Variants in MLIP observed in about 807,000 individuals in gnomAD.
The protein encoded by MLIP is muscular LMNA-interacting protein.
A neutral mutation model predicts 84.8 loss-of-function variants in MLIP; 79 were observed. The ratio of observed to expected loss-of-function variants is 0.93; its 90% CI spans 0.78 to 1.12. The LOEUF is 1.12. Among genes scored for constraint, MLIP ranks in the 50% most tolerant of loss-of-function variants. MLIP has a pLI of 0.00. For missense variants in MLIP, 1,257 were observed against 1,160.6 expected, an observed-to-expected ratio of 1.08 and a Z score of -1.21; for synonymous variants, 504 against 463.0, an observed-to-expected ratio of 1.09 and a Z score of -1.14.
At chr6:54,082,240 T>C (rs9474729) in intron 1 of MLIP, among the ~76,000 whole-genome samples, 12,431 of 152,268 alleles carry the variant, frequency 0.082, 762 homozygotes, top group East Asian at 0.33. Context: ...TCTATTCCTC[T>C]GTTGATGGGC....
At chr6:54,256,823 T>A (rs1783036877) in intron 12 of MLIP, among the ~76,000 whole-genome samples, 1 of 152,180 alleles carries the variant, frequency 6.6e-6, no homozygotes, top group Admixed American at 6.6e-5. Flanking sequence ...ATAGTCACAA[T>A]AAAGCACAAT....
intron 8 of MLIP, among the ~76,000 whole-genome samples, chr6:54,161,171 A>G (rs1047172654): frequency 1.3e-5 from 2 of 151,934 alleles, no homozygotes; most frequent in African/African-American, 4.8e-5. Flanking sequence ...TAGATTCAAT[A>G]TTATTTATGG....
At chr6:54,094,448 C>A (rs1001527152) in intron 1 of MLIP, among the ~76,000 whole-genome samples, 3 of 152,118 alleles carry the variant, frequency 2.0e-5, no homozygotes, top group African/African-American at 7.2e-5. Flanking sequence ...GCAGAGTATT[C>A]ACAAGGGATT....
intron 13 of MLIP, among the ~76,000 whole-genome samples, chr6:54,262,215 A>G (rs1783432632): frequency 6.6e-6 from 1 of 152,040 alleles, no homozygotes; most frequent in African/African-American, 2.4e-5. Flanking sequence ...CTTTCTGCTA[A>G]CCCAGAAGTT....
upstream of MLIP, among the ~76,000 whole-genome samples, chr6:54,107,447 A>G (rs922771289): frequency 2.0e-5 from 3 of 152,216 alleles, no homozygotes; most frequent in African/African-American, 7.2e-5. Context: ...TGAGCCTGTG[A>G]ATCGGGTTAG....
intron 1 of MLIP, among the ~76,000 whole-genome samples, chr6:54,059,371 C>G (rs1459967679): frequency 6.6e-6 from 1 of 152,174 alleles, no homozygotes; most frequent in Non-Finnish European, 1.5e-5. Flanking sequence ...AGGTGACTGG[C>G]AAAACTCAGG....
intron 1 of MLIP, among the ~76,000 whole-genome samples, chr6:54,030,089 C>A (rs1414751527): frequency 6.6e-6 from 1 of 152,122 alleles, no homozygotes; most frequent in African/African-American, 2.4e-5. Flanking sequence ...CAGAAAAAAA[C>A]CACATATGAT....
intron 9 of MLIP, among the ~76,000 whole-genome samples, chr6:54,175,287 T>C (rs1275845996): frequency 6.6e-6 from 1 of 152,118 alleles, no homozygotes; most frequent in Admixed American, 6.6e-5. Flanking sequence ...GTGAAGAATG[T>C]CATTGGTATT....
At chr6:54,211,981 ACATAAAAAAAG>A (rs1779485842) in intron 11 of MLIP, among the ~76,000 whole-genome samples, 1 of 152,138 alleles carries the variant, frequency 6.6e-6, no homozygotes, top group Non-Finnish European at 1.5e-5. Flanking sequence ...TCCCTATTTG[ACATAAAAAAAG>A]AAGGTAAAAC....
At chr6:54,244,604 A>G (rs1781954350) in intron 12 of MLIP, among the ~76,000 whole-genome samples, 1 of 152,232 alleles carries the variant, frequency 6.6e-6, no homozygotes, top group African/African-American at 2.4e-5. Flanking sequence ...GTTCTCCACT[A>G]GAGGGCAAAA....
intron 8 of MLIP, among the ~76,000 whole-genome samples, chr6:54,168,715 A>G (rs934224979): frequency 6.6e-6 from 1 of 151,876 alleles, no homozygotes; most frequent in Non-Finnish European, 1.5e-5. Flanking sequence ...GCAGTACTGA[A>G]TGCACATTTG....
At chr6:54,263,296 AT>A (rs1783499288) in intron 13 of MLIP, among the ~76,000 whole-genome samples, 1 of 152,030 alleles carries the variant, frequency 6.6e-6, no homozygotes, top group South Asian at 2.1e-4. Flanking sequence ...TCCTTTATCT[AT>A]GAGGCTGCCT....
chr6:54,162,032 T>A (rs1213429296), intron 8 of MLIP, among the ~76,000 whole-genome samples: 1 of 152,012 alleles, frequency 6.6e-6, no homozygotes, highest in Admixed American at 6.6e-5. Context: ...TACTTAAGGC[T>A]TACGGTGTTA....
At chr6:54,141,333 G>C (rs911743792) in intron 4 of MLIP, among the ~76,000 whole-genome samples, 8 of 58,058 alleles carry the variant, frequency 1.4e-4, no homozygotes, top group African/African-American at 8.5e-4. Flanking sequence ...TTTGAGACAC[G>C]TCCCACTGTG....
At chr6:54,224,640 A>C (rs745940244) in intron 11 of MLIP, among the ~76,000 whole-genome samples, 1 of 151,984 alleles carries the variant, frequency 6.6e-6, no homozygotes, top group South Asian at 2.1e-4. Context: ...TTACATGAGT[A>C]AGTTCTTTAG....
chr6:54,216,507 T>C lies in MLIP; in HGVS notation c.2719-14207T>C, dbSNP rs1015908675. ...CATCAGATACTTCCATGCTGATCCA[T>C]GCCATCTGTTCTGTGAAACTTGCTG... On this transcript the variant is annotated intron_variant, in intron 11 of 13. Transcript: ENST00000502396. 11 of 985,334 alleles carry C rather than the reference T, an allele frequency of 1.1e-5. No homozygotes were observed. The African/African-American group carries it at 1.7e-4, about 16-fold the overall frequency. 61.0% of individuals were successfully genotyped at this position (985,334 alleles called of 1,614,324 possible). A position where few individuals can be genotyped will look rare whatever the true frequency, so the allele number is the denominator to read the frequency against.
At chr6:54,236,276 C>T (rs1781355005) in intron 12 of MLIP, among the ~76,000 whole-genome samples, 1 of 151,826 alleles carries the variant, frequency 6.6e-6, no homozygotes, top group Non-Finnish European at 1.5e-5. Context: ...AGGCAATGCC[C>T]TGCTTTCTTG....
intron 1 of MLIP, among the ~76,000 whole-genome samples, chr6:54,072,057 T>G (rs552865762): frequency 6.6e-6 from 1 of 152,266 alleles, no homozygotes; most frequent in South Asian, 2.1e-4. Context: ...GCAATAGGCT[T>G]TAGTGGCGAA....
At chr6:54,159,232 A>G (rs535226744) in intron 5 of MLIP, among the ~76,000 whole-genome samples, 33 of 152,114 alleles carry the variant, frequency 2.2e-4, no homozygotes, top group African/African-American at 7.5e-4. Context: ...TCTTATATCA[A>G]TCTAGGCTTA....
Sources: allele counts gnomAD v4.1 joint callset (sites outside exome capture counted in the v4.1 genomes callset), GRCh38; gene constraint gnomAD v4.1.1; transcripts MANE v1.5; gene names NCBI Gene and HGNC (gene_info 2026-07-23, HGNC 2026-07-21).